The following CD83 variants were observed in gnomAD, a reference collection of about 807,000 sequenced individuals.
CD83 encodes CD83 molecule, also known as CD83 antigen.
Under a neutral mutation model 24.6 loss-of-function variants are expected in CD83, and 22 were observed. The ratio of observed to expected loss-of-function variants is 0.90; its 90% CI spans 0.64 to 1.28. CD83 has a LOEUF of 1.28. Among genes scored for constraint, CD83 ranks in the 50% most tolerant of loss-of-function variants. The pLI is 0.00. For missense variants in CD83, 253 were observed against 252.8 expected (o/e 1.00, Z -0.01); for synonymous variants, 101 against 103.5 (o/e 0.98, Z 0.14).
At position 14,136,133 on chromosome 6, in the gene CD83, G is replaced by C. The variant is rs1365840393; in HGVS notation, c.*897G>C. The C allele has an allele frequency of 6.6e-6, 1 of 152,248 alleles. No homozygotes were observed. Among genetic ancestry groups the C allele is most frequent in the Non-Finnish European group, 1.5e-5 (1 of 68,072 alleles). 9.4% of individuals were successfully genotyped at this position (152,248 alleles called of 1,614,324 possible). ...CTTGAGCAAGTTCCTTCTGGTGTCT[G>C]CTTTCTCCATTGTAAACCACAAGGC... On this transcript the variant is annotated 3_prime_UTR_variant, in exon 5 of 5. Coordinates refer to ENST00000379153, the MANE Select transcript of CD83 (RefSeq NM_004233.4).
intron 2 of CD83, among the ~76,000 whole-genome samples, chr6:14,127,075 G>C (rs1408475868): frequency 1.3e-5 from 2 of 151,460 alleles, no homozygotes; most frequent in African/African-American, 2.4e-5. Context: ...TGCAACCTTC[G>C]CCTCCTGGGT....
intron 3 of CD83, among the ~76,000 whole-genome samples, chr6:14,133,041 G>A (rs1436163683): frequency 6.6e-6 from 1 of 152,208 alleles, no homozygotes; most frequent in Non-Finnish European, 1.5e-5. Flanking sequence ...CCCTGAGGGA[G>A]TTGTTCTTCC....
intron 3 of CD83, among the ~76,000 whole-genome samples, chr6:14,132,145 C>A (rs989149942): frequency 1.3e-5 from 2 of 152,218 alleles, no homozygotes; most frequent in Non-Finnish European, 2.9e-5. Context: ...TATGCACACA[C>A]CTCCCTTAGG....
At chr6:14,133,873 C>T (rs1350541814) in intron 4 of CD83, 118 bp downstream of exon 4, 4 of 651,702 alleles carry the variant, frequency 6.1e-6, no homozygotes, top group African/African-American at 3.7e-5. Flanking sequence ...ATTCTTTGAA[C>T]CCTGGACTTT....
Position 14,135,198 on chromosome 6 carries a change from T to C in CD83, c.580T>C (p.Leu194=). The change falls in exon 5 of 5, where the codon TTA becomes CTA. Residue 194 remains leucine, a synonymous_variant. Transcript: ENST00000379153. ...FLPVTSPNKH[L]GLVTPHKTEL... ...CCCAGTTACCTCCCCAAATAAGCAT[T>C]TAGGGCTAGTGACTCCTCACAAGAC... 6.2e-7 allele frequency: 1 copy of C among 1,614,156 alleles called. No homozygotes were observed. Among genetic ancestry groups the C allele is most frequent in the Non-Finnish European group, 8.5e-7 (1 of 1,180,006 alleles).
intron 2 of CD83, among the ~76,000 whole-genome samples, chr6:14,124,582 G>A (rs1341740562): frequency 6.6e-6 from 1 of 152,168 alleles, no homozygotes; most frequent in Non-Finnish European, 1.5e-5. Context: ...CTCGAGGCTG[G>A]AGCCATGTGC....
In CD83 at chr6:14,131,509, C is replaced by T; in HGVS notation, c.154-11C>T. 6.2e-7 allele frequency: 1 copy of T among 1,600,940 alleles called. No individual in the cohort carries two copies. Among genetic ancestry groups the T allele is most frequent in the Non-Finnish European group, 8.6e-7 (1 of 1,168,046 alleles). Reference sequence around the variant, plus strand: ...AGTGGACCGTGATGCGCTCTGATTCCTTCTTCACAGTTATTGGAGGGTGGT... The same window carrying T: ...AGTGGACCGTGATGCGCTCTGATTCTTTCTTCACAGTTATTGGAGGGTGGT... On this transcript the variant is annotated splice_polypyrimidine_tract_variant and intron_variant, in intron 2 of 4. Transcript: ENST00000379153.
intron 2 of CD83, among the ~76,000 whole-genome samples, chr6:14,127,177 A>G (rs2113395417): frequency 6.6e-6 from 1 of 152,078 alleles, no homozygotes. Flanking sequence ...TGTGGTGGAG[A>G]TGTGGTTTCA....
chr6:14,132,398 G>A (rs770664571), intron 3 of CD83, among the ~76,000 whole-genome samples: 1 of 152,232 alleles, frequency 6.6e-6, no homozygotes, highest in Non-Finnish European at 1.5e-5. Flanking sequence ...GAGAGAAAAT[G>A]AAGAGAATAG....
rs1256703156 is a variant in CD83 at position 14,136,810 on chromosome 6, T to C, written c.*1574T>C. 6 of 152,198 alleles carry C rather than the reference T, an allele frequency of 3.9e-5. No individual in the cohort carries two copies. The highest frequency in any genetic ancestry group is 7.4e-5 in the Non-Finnish European group (5 of 68,026). The allele number at this position is 152,198 out of a possible 1,614,324, so 9.4% of individuals were successfully genotyped here. A position where few individuals can be genotyped will look rare whatever the true frequency, so the allele number is the denominator to read the frequency against. On this transcript the variant is annotated 3_prime_UTR_variant, in exon 5 of 5. Coordinates refer to ENST00000379153, the MANE Select transcript of CD83 (RefSeq NM_004233.4). ...AACCCCCATGATGTAAGTTTACCTA[T>C]GTAACAAACCTGCACTTATACCCAT...
chr6:14,124,188 T>C (rs1310048773), intron 2 of CD83, among the ~76,000 whole-genome samples: 2 of 152,258 alleles, frequency 1.3e-5, no homozygotes, highest in East Asian at 3.8e-4. Flanking sequence ...TAGTACAGAC[T>C]TGGGAGCCCA....
chr6:14,123,839 G>T (rs182568653), intron 2 of CD83, among the ~76,000 whole-genome samples: 61 of 150,874 alleles, frequency 4.0e-4, no homozygotes, highest in African/African-American at 1.4e-3. Flanking sequence ...GGACTGGATT[G>T]TCTTAGCTAC....
Position 14,129,542 on chromosome 6 carries a change from C to A in CD83, c.154-1978C>A, listed in dbSNP as rs539797004. On this transcript the variant is annotated intron_variant, in intron 2 of 4. Coordinates refer to ENST00000379153, the MANE Select transcript of CD83 (RefSeq NM_004233.4). This position sits in a 1 kb window ranked among gnomAD's most constrained non-coding sequence, Gnocchi z 4.3. ...TTTTTGCACACCTATGGGCCCCAGT[C>A]TTTTAGCTTCCTCCCATAGATTCTT... Among the ~76,000 whole-genome samples, 1 of 152,308 alleles carries A rather than the reference C, an allele frequency of 6.6e-6. No individual in the cohort carries two copies. The highest frequency in any genetic ancestry group is 1.9e-4 in the East Asian group (1 of 5,184).
rs1217104870 is a variant in CD83, at chr6:14,133,753, T to G, written c.487T>G (p.Cys163Gly). 3 of 1,587,282 alleles carry G rather than the reference T, an allele frequency of 1.9e-6. No homozygotes were observed. The highest frequency in any genetic ancestry group is 3.4e-5 in the Admixed American group (2 of 59,534). The change falls in exon 4 of 5, where the codon TGT becomes GGT. Residue 163 changes from cysteine to glycine, a missense_variant and splice_region_variant. Coordinates refer to ENST00000379153, the MANE Select transcript of CD83 (RefSeq NM_004233.4). ...CTACTTAACACTCATCATTTTCACT[T>G]GTGTAAGTATCTTCTTAAAACATCT... Reference protein sequence around the residue: ...IFYLTLIIFTCKFARLQSIFP... With the variant: ...IFYLTLIIFTGKFARLQSIFP...
intron 2 of CD83, among the ~76,000 whole-genome samples, chr6:14,126,514 A>G (rs1301471081): frequency 1.3e-5 from 2 of 152,326 alleles, no homozygotes; most frequent in East Asian, 3.9e-4. Flanking sequence ...TCCAATGCCA[A>G]TGCCTGTGCT....
At chr6:14,121,060 G>A (rs916293505) in intron 2 of CD83, among the ~76,000 whole-genome samples, 2 of 152,230 alleles carry the variant, frequency 1.3e-5, no homozygotes, top group Non-Finnish European at 2.9e-5. Flanking sequence ...ATCCAACAAA[G>A]GGTCCTCTTC....
upstream of CD83, chr6:14,117,728 T>C (rs901152576): frequency 4.9e-5 from 51 of 1,034,446 alleles, no homozygotes; most frequent in South Asian, 6.4e-4. The surrounding 1 kb of genome is among the most constrained non-coding windows in gnomAD (Gnocchi z 4.6). Flanking sequence ...GCAGGGAAGT[T>C]CCCGAACGCG....
At chr6:14,118,494 C>T (rs2113383251) in intron 2 of CD83, among the ~76,000 whole-genome samples, 1 of 152,184 alleles carries the variant, frequency 6.6e-6, no homozygotes, top group Admixed American at 6.5e-5. Context: ...GACTGTGATG[C>T]CCATGATACA....
At chr6:14,123,858 C>G (rs1425615634) in intron 2 of CD83, among the ~76,000 whole-genome samples, 1 of 151,406 alleles carries the variant, frequency 6.6e-6, no homozygotes, top group Non-Finnish European at 1.5e-5. Flanking sequence ...ACGTACTTGG[C>G]AATGTCACTA....
Sources: allele counts gnomAD v4.1 joint callset (sites outside exome capture counted in the v4.1 genomes callset), GRCh38; gene constraint gnomAD v4.1.1; non-coding constraint Gnocchi (gnomAD v3.1); transcripts MANE v1.5; gene names NCBI Gene and HGNC (gene_info 2026-07-23, HGNC 2026-07-21).